Variants in USP34 observed in about 807,000 individuals in gnomAD.
USP34 encodes the protein ubiquitin specific peptidase 34.
In USP34, 70 loss-of-function variants were observed where a neutral mutation model predicts 460.3. The observed-to-expected ratio is 0.15, with a 90% CI of 0.13 to 0.19. USP34 has a LOEUF of 0.19. Ranked by LOEUF, USP34 falls within the 10% of genes least tolerant of loss-of-function variation. The pLI, the probability that USP34 is intolerant of heterozygous loss-of-function variation, is 1.00. For missense variants in USP34, 3,985 were observed against 4,236.2 expected (o/e 0.94, Z 1.65); for synonymous variants, 1,647 against 1,405.3 (o/e 1.17, Z -3.85).
At chr2:61,435,027 A>G (rs888331950) in intron 1 of USP34, among the ~76,000 whole-genome samples, 1 of 152,108 alleles carries the variant, frequency 6.6e-6, no homozygotes, top group African/African-American at 2.4e-5. Flanking sequence ...AAAGAGGCCA[A>G]GCACAGCACC....
chr2:61,280,709 G>C (rs1200738890), intron 38 of USP34, among the ~76,000 whole-genome samples: 2 of 152,080 alleles, frequency 1.3e-5, no homozygotes, highest in African/African-American at 4.8e-5. Flanking sequence ...ATGAACTAGG[G>C]TAGGAAATAA....
rs541095896 is a variant in USP34 at position 61,315,046 on chromosome 2, A to T, written c.3283-72T>A. ...TGTAACTCATTAAGACTGAAGTATC[A>T]AAAGTAAAAATCATAGGCAACTCCT... On this transcript the variant is annotated intron_variant, in intron 23 of 79. Transcript: ENST00000398571. The T allele has an allele frequency of 1.0e-5, 12 of 1,172,280 alleles. No homozygotes were observed. In the South Asian group the frequency reaches 1.7e-4, roughly 16 times the overall value. 72.6% of individuals were successfully genotyped at this position (1,172,280 alleles called of 1,614,324 possible).
Position 61,278,295 on chromosome 2 carries a change from A to C in USP34, c.5313-10T>G, listed in dbSNP as rs370583196. ...ATCAAGGATCTCCCTACTACAAAAA[A>C]GAAAAAAAATACACACAAGCAAGAT... On this transcript the variant is annotated splice_polypyrimidine_tract_variant and intron_variant, in intron 40 of 79. Coordinates refer to ENST00000398571, the MANE Select transcript of USP34 (RefSeq NM_014709.4). The C allele has an allele frequency of 6.2e-7, 1 of 1,612,348 alleles. No individual in the cohort carries two copies. Among genetic ancestry groups the C allele is most frequent in the African/African-American group, 1.3e-5 (1 of 74,784 alleles).
chr2:61,331,971 G>A (rs1691281442), intron 19 of USP34, among the ~76,000 whole-genome samples: 1 of 151,982 alleles, frequency 6.6e-6, no homozygotes, highest in African/African-American at 2.4e-5. Context: ...AGATGTAGAA[G>A]TATTAAAATT....
chr2:61,343,803 G>A lies in USP34; in HGVS notation c.2500+12C>T, dbSNP rs1217378923. On this transcript the variant is annotated intron_variant, in intron 16 of 79. Transcript: ENST00000398571. Reference sequence around the variant, plus strand: ...AAGAAGGTAATATATTTTACTTACTGTAGAGTCTTACCTTGACTAAGATGT... The same window carrying A: ...AAGAAGGTAATATATTTTACTTACTATAGAGTCTTACCTTGACTAAGATGT... 4.3e-6 allele frequency: 7 copies of A among 1,610,408 alleles called. No homozygotes were observed. The East Asian group carries it at 1.1e-4, about 26-fold the overall frequency.
At chr2:61,426,197 C>A (rs959703305) in intron 1 of USP34, among the ~76,000 whole-genome samples, 2 of 152,122 alleles carry the variant, frequency 1.3e-5, no homozygotes, top group Admixed American at 6.6e-5. Flanking sequence ...GGCAAAACTC[C>A]TACTTGAGAA....
At chr2:61,424,546 G>T (rs1205268235) in intron 1 of USP34, among the ~76,000 whole-genome samples, 1 of 152,102 alleles carries the variant, frequency 6.6e-6, no homozygotes, top group Non-Finnish European at 1.5e-5. Flanking sequence ...GCACGAGAAT[G>T]TTAACATTTC....
intron 75 of USP34, among the ~76,000 whole-genome samples, chr2:61,198,143 A>T (rs1369671854): frequency 6.6e-6 from 1 of 152,178 alleles, no homozygotes; most frequent in Non-Finnish European, 1.5e-5. Flanking sequence ...TTTAAACCTT[A>T]CAGATATATT....
intron 29 of USP34, among the ~76,000 whole-genome samples, chr2:61,300,022 T>A (rs372483360): frequency 6.6e-6 from 1 of 152,188 alleles, no homozygotes; most frequent in East Asian, 1.9e-4. Context: ...CCAAGTGATG[T>A]TGTTTTGACC....
chr2:61,425,211 A>T (rs2100123), intron 1 of USP34, among the ~76,000 whole-genome samples: 19,735 of 152,080 alleles, frequency 0.13, 1,629 homozygotes, highest in East Asian at 0.38. Flanking sequence ...CCAAATTAAG[A>T]TCTACATAGA....
chr2:61,470,425 C>T (rs1336083247), intron 1 of USP34, among the ~76,000 whole-genome samples: 1 of 150,650 alleles, frequency 6.6e-6, no homozygotes, highest in Admixed American at 6.6e-5. Flanking sequence ...CAGGCCGAGC[C>T]GGAGCTCCGC....
At chr2:61,343,782 A>G in intron 16 of USP34, 33 bp downstream of exon 16, 1 of 1,581,950 alleles carries the variant, frequency 6.3e-7, no homozygotes, top group South Asian at 1.1e-5. Flanking sequence ...GTTGTGAAGA[A>G]GGTAATATAT....
At chr2:61,451,749 A>G (rs1695284590) in intron 1 of USP34, among the ~76,000 whole-genome samples, 1 of 152,288 alleles carries the variant, frequency 6.6e-6, no homozygotes, top group African/African-American at 2.4e-5. Context: ...AAAAGAGAGA[A>G]ATTCAAATTT....
Position 61,203,259 on chromosome 2 carries a change from T to C in USP34, c.9389A>G (p.Lys3130Arg), listed in dbSNP as rs2103767645. 1 of 1,552,106 alleles carries C rather than the reference T, an allele frequency of 6.4e-7. No individual in the cohort carries two copies. The highest frequency in any genetic ancestry group is 1.4e-5 in the African/African-American group (1 of 72,692). ...CAGCATACGATCATAAACGTCATCT[T>C]TGCCCTGAAGGTTAAAGATGATAAA... is the stretch of plus-strand genomic sequence containing the variant. ...LPTMVETSKGKDDVYDRMLLD... is the reference protein window; with the variant it reads ...LPTMVETSKGRDDVYDRMLLD... Residue 3130 changes from lysine to arginine, a missense_variant, in exon 75 of 80, where the codon AAA becomes AGA. Lys to Arg is a conservative substitution (Grantham distance 26). This residue lies in a region of USP34 where 3 missense variants were observed against 19.4 expected (regional missense o/e 0.15). Coordinates refer to ENST00000398571, the MANE Select transcript of USP34 (RefSeq NM_014709.4).
At chr2:61,270,139 C>A (rs568298784) in intron 41 of USP34, among the ~76,000 whole-genome samples, 9 of 152,320 alleles carry the variant, frequency 5.9e-5, no homozygotes, top group African/African-American at 2.2e-4. Context: ...ATGTTGAAAC[C>A]TAACCACCAA....
At chr2:61,324,508 C>A (rs145569465) in intron 21 of USP34, among the ~76,000 whole-genome samples, 23 of 152,168 alleles carry the variant, frequency 1.5e-4, no homozygotes, top group Admixed American at 1.5e-3. Context: ...GGTGCAGTGA[C>A]ACACTGGTAA....
At chr2:61,307,402 C>T (rs549979101) in intron 27 of USP34, among the ~76,000 whole-genome samples, 1 of 151,668 alleles carries the variant, frequency 6.6e-6, no homozygotes, top group South Asian at 2.1e-4. Flanking sequence ...CAACGTGGTA[C>T]GTGTATACAT....
chr2:61,234,795 A>G (rs1408744293), intron 57 of USP34, among the ~76,000 whole-genome samples: 2 of 152,076 alleles, frequency 1.3e-5, no homozygotes, highest in Non-Finnish European at 2.9e-5. Flanking sequence ...GCACACCACC[A>G]TGACCAGTTA....
At chr2:61,289,065 T>G (rs1348173315) in intron 33 of USP34, among the ~76,000 whole-genome samples, 188 bp from the exon 34 acceptor site, 2 of 152,174 alleles carry the variant, frequency 1.3e-5, no homozygotes, top group African/African-American at 2.4e-5. Context: ...GAAGAAAAAG[T>G]ATCTAGAAAT....
Sources: gnomAD v4.1 joint callset for allele counts (sites outside exome capture counted in the v4.1 genomes callset) on GRCh38, gnomAD v4.1.1 for gene constraint, gnomAD v4.1.1 regional missense constraint, MANE v1.5 for transcripts, NCBI Gene and HGNC (gene_info 2026-07-23, HGNC 2026-07-21) for gene names.